The following RREB1 variants were observed in gnomAD, a reference collection of about 807,000 sequenced individuals.
The protein encoded by RREB1 is ras-responsive element-binding protein 1.
A neutral mutation model predicts 117.8 loss-of-function variants in RREB1; 27 were observed. The ratio of observed to expected loss-of-function variants is 0.23; its 90% CI spans 0.17 to 0.32. The LOEUF (loss-of-function observed/expected upper bound fraction) is 0.32. RREB1 is among the 10% of genes least tolerant of loss of function. The pLI, the probability that RREB1 is intolerant of heterozygous loss-of-function variation, is 1.00. For missense variants in RREB1, 2,577 were observed against 2,378.2 expected, an observed-to-expected ratio of 1.08 and a Z score of -1.74; for synonymous variants, 1,298 against 1,026.7, an observed-to-expected ratio of 1.26 and a Z score of -5.05.
At chr6:7,247,250 C>A in intron 12 of RREB1, 29 bp downstream of exon 12, 1 of 1,587,508 alleles carries the variant, frequency 6.3e-7, no homozygotes, top group South Asian at 1.1e-5. Flanking sequence ...GTCCCCGGCC[C>A]AACAAGAGGA....
rs558822741 is a variant in RREB1, at chr6:7,244,469, A to G, written c.3974-1955A>G. On this transcript the variant is annotated intron_variant, in intron 11 of 12. Coordinates refer to ENST00000379938, the MANE Select transcript of RREB1 (RefSeq NM_001003699.4). The stretch of plus-strand genomic sequence containing the variant: ...TGAGCGTTCTGTATTTTTATTGTAG[A>G]GTTTATACCAATATCCATTCTATAG... 1.1e-4 allele frequency among the ~76,000 whole-genome samples: 16 copies of G among 152,272 alleles called. No individual in the cohort carries two copies. In the South Asian group the frequency reaches 3.3e-3, roughly 32 times the overall value.
In RREB1 at chr6:7,246,428, T is replaced by C; in HGVS notation, c.3978T>C (p.Ser1326=). 6.8e-7 allele frequency: 1 copy of C among 1,480,760 alleles called. No homozygotes were observed. The highest frequency in any genetic ancestry group is 2.5e-5 in the East Asian group (1 of 40,328). 91.7% of individuals were successfully genotyped at this position (1,480,760 alleles called of 1,614,324 possible). ...CCCGCTGTGCTTGCCCCACAGACAG[T>C]CAGTCGGATGCGGAGACTGCAGCCG... is the stretch of plus-strand genomic sequence containing the variant. The part of the protein sequence containing the change: ...SDVGSHDSTD[S]QSDAETAAAA... The change falls in exon 12 of 13, where the codon AGT becomes AGC. Residue 1326 remains serine (S), a synonymous_variant. Coordinates refer to ENST00000379938, the MANE Select transcript of RREB1 (RefSeq NM_001003699.4).
intron 11 of RREB1, 76 bp downstream of exon 11, chr6:7,240,678 G>A: frequency 7.2e-7 from 1 of 1,383,866 alleles, no homozygotes; most frequent in Non-Finnish European, 1.0e-6. Context: ...GCAAACTCCA[G>A]TCCGAGCTGT....
chr6:7,148,865 A>G (rs1032364421), intron 1 of RREB1, among the ~76,000 whole-genome samples: 29 of 152,186 alleles, frequency 1.9e-4, no homozygotes, highest in Admixed American at 3.9e-4. Flanking sequence ...AGATTTGTAG[A>G]AAAAAAGTTA....
At chr6:7,155,483 A>G (rs1017371332) in intron 1 of RREB1, among the ~76,000 whole-genome samples, 1 of 152,080 alleles carries the variant, frequency 6.6e-6, no homozygotes, top group Non-Finnish European at 1.5e-5. Flanking sequence ...GCTAATTTTC[A>G]TATTTTTGGT....
chr6:7,187,115 T>C (rs865777991), intron 4 of RREB1, among the ~76,000 whole-genome samples: 17 of 151,440 alleles, frequency 1.1e-4, no homozygotes, highest in African/African-American at 4.1e-4. Flanking sequence ...CACAGATTAT[T>C]AAGTGGTGTC....
chr6:7,113,456 C>G (rs1761246772), intron 1 of RREB1, among the ~76,000 whole-genome samples: 1 of 152,164 alleles, frequency 6.6e-6, no homozygotes, highest in Non-Finnish European at 1.5e-5. Flanking sequence ...CCTTCTAGGA[C>G]TTAGTTAATT....
At chr6:7,235,618 G>T (rs913100116) in intron 10 of RREB1, among the ~76,000 whole-genome samples, 4 of 151,818 alleles carry the variant, frequency 2.6e-5, no homozygotes, top group Non-Finnish European at 5.9e-5. Context: ...TTGTGTTTTT[G>T]AGTACAGTGT....
At chr6:7,239,374 G>A (rs530421801) in intron 10 of RREB1, among the ~76,000 whole-genome samples, 5 of 152,304 alleles carry the variant, frequency 3.3e-5, no homozygotes, top group South Asian at 4.1e-4. Context: ...ACCAACTTCC[G>A]CCTCCTGAAG....
chr6:7,134,129 C>A lies in RREB1; in HGVS notation c.-285+26069C>A, dbSNP rs964331555. On this transcript the variant is annotated intron_variant, in intron 1 of 12. Coordinates refer to ENST00000379938, the MANE Select transcript of RREB1 (RefSeq NM_001003699.4). ...AACCTATCTTCTAGGTTACATGAAACCAACATAGTATTAAACTTTTTATGG... is the reference window on the plus strand; with the variant it reads ...AACCTATCTTCTAGGTTACATGAAAACAACATAGTATTAAACTTTTTATGG... 2.6e-4 allele frequency among the ~76,000 whole-genome samples: 40 copies of A among 152,092 alleles called. 1 individual carries two copies. Among genetic ancestry groups the A allele is most frequent in the Admixed American group, 2.0e-3 (30 of 15,270 alleles).
intron 10 of RREB1, among the ~76,000 whole-genome samples, chr6:7,232,361 G>A (rs1581579292): frequency 6.6e-6 from 1 of 152,168 alleles, no homozygotes; most frequent in South Asian, 2.1e-4. Context: ...TTTAAATTTT[G>A]ACAATTTTGT....
intron 1 of RREB1, among the ~76,000 whole-genome samples, chr6:7,124,558 G>A (rs1275773763): frequency 6.6e-6 from 1 of 152,142 alleles, no homozygotes; most frequent in Non-Finnish European, 1.5e-5. Context: ...AATCTGTCTA[G>A]AGTACTTTTA....
intron 4 of RREB1, chr6:7,185,203 A>C (rs146511718): frequency 2.0e-5 from 3 of 152,354 alleles, no homozygotes; most frequent in African/African-American, 7.2e-5. Flanking sequence ...TGTTTTGTAG[A>C]ATCCATATCC....
At position 7,244,238 on chromosome 6, in the gene RREB1, G is replaced by A. The variant is rs538617029; in HGVS notation, c.3974-2186G>A. The stretch of plus-strand genomic sequence containing the variant: ...AGACTGCACCACTGCACTCCAGCCC[G>A]GGTGACAGAGCAAGACTCCATCTCA... On this transcript the variant is annotated intron_variant, in intron 11 of 12. Coordinates refer to ENST00000379938, the MANE Select transcript of RREB1 (RefSeq NM_001003699.4). Among the ~76,000 whole-genome samples the A allele has an allele frequency of 9.9e-5, 15 of 151,602 alleles. 1 individual carries two copies. In the South Asian group the frequency reaches 1.3e-3, roughly 13 times the overall value.
At chr6:7,139,300 T>A (rs537672928) in intron 1 of RREB1, 1 of 152,322 alleles carries the variant, frequency 6.6e-6, no homozygotes, top group Admixed American at 6.5e-5. Flanking sequence ...TATATGTTTG[T>A]AAGTTGAAAT....
intron 2 of RREB1, among the ~76,000 whole-genome samples, chr6:7,180,681 C>T (rs1380345836): frequency 6.6e-6 from 1 of 152,208 alleles, no homozygotes; most frequent in African/African-American, 2.4e-5. Flanking sequence ...TTCATGTCGC[C>T]AGGTTTCTTT....
chr6:7,221,782 A>G (rs1767275047), intron 8 of RREB1, among the ~76,000 whole-genome samples: 1 of 152,242 alleles, frequency 6.6e-6, no homozygotes, highest in African/African-American at 2.4e-5. Flanking sequence ...TTTTGCAGTT[A>G]GACAGAAGTA....
At chr6:7,243,075 C>T (rs924346935) in intron 11 of RREB1, among the ~76,000 whole-genome samples, 1 of 152,200 alleles carries the variant, frequency 6.6e-6, no homozygotes, top group African/African-American at 2.4e-5. Context: ...TTTAAGCTCT[C>T]CCTTAATGGT....
intron 1 of RREB1, among the ~76,000 whole-genome samples, chr6:7,122,903 A>T (rs546018831): frequency 7.2e-5 from 11 of 152,302 alleles, no homozygotes; most frequent in Admixed American, 1.3e-4. Context: ...GCTGACAAGC[A>T]TGTATCAGCT....
Sources: allele counts gnomAD v4.1 joint callset (sites outside exome capture counted in the v4.1 genomes callset), GRCh38; gene constraint gnomAD v4.1.1; transcripts MANE v1.5; gene names NCBI Gene and HGNC (gene_info 2026-07-23, HGNC 2026-07-21).